TENT4B: variants seen among roughly 807,000 people sequenced by gnomAD.
TENT4B encodes the protein PAP associated domain containing 5.
TENT4B carries 10 observed loss-of-function variants against 75.0 expected under a neutral mutation model. That is an observed-to-expected ratio of 0.13 (90% confidence interval 0.08 to 0.23). The LOEUF is 0.23. Among genes scored for constraint, TENT4B ranks in the 10% least tolerant of loss-of-function variants. The pLI is 1.00. For missense variants in TENT4B, 579 were observed against 893.8 expected (o/e 0.65, Z 4.49); for synonymous variants, 350 against 357.7 (o/e 0.98, Z 0.24).
intron 1 of TENT4B, among the ~76,000 whole-genome samples, chr16:50,194,194 GTTCT>G (rs780115370): frequency 1.6e-4 from 24 of 145,712 alleles, no homozygotes; most frequent in Non-Finnish European, 3.0e-4. Flanking sequence ...TCTTTTTTCT[GTTCT>G]TTCTTTCTCT....
Position 50,187,562 on chromosome 16 carries a change from G to A in TENT4B, c.639-23761G>A, listed in dbSNP as rs183552705. ...TGTGCCACTGCACTCCAGCCTGGGC[G>A]ACAGAGCGAGACTCCATCGTGCGGG... is the stretch of plus-strand genomic sequence containing the variant. On this transcript the variant is annotated intron_variant, in intron 1 of 11. Coordinates refer to ENST00000561678, the MANE Select transcript of TENT4B (RefSeq NM_001365324.3). Among the ~76,000 whole-genome samples the A allele has an allele frequency of 2.4e-4, 37 of 152,218 alleles. No homozygotes were observed. In the East Asian group the frequency reaches 6.2e-3, roughly 25 times the overall value.
At chr16:50,180,366 G>T (rs1234281233) in intron 1 of TENT4B, among the ~76,000 whole-genome samples, 1 of 152,144 alleles carries the variant, frequency 6.6e-6, no homozygotes, top group Non-Finnish European at 1.5e-5. Flanking sequence ...GCCTCCCAGA[G>T]TGCTGGGATT....
intron 5 of TENT4B, among the ~76,000 whole-genome samples, chr16:50,221,515 T>G (rs2031826681): frequency 6.6e-6 from 1 of 152,198 alleles, no homozygotes; most frequent in South Asian, 2.1e-4. Context: ...TCAGCCCATG[T>G]GCAAGTCAGC....
intron 1 of TENT4B, among the ~76,000 whole-genome samples, chr16:50,191,303 C>CT (rs1363669504): frequency 6.6e-6 from 1 of 152,108 alleles, no homozygotes; most frequent in Non-Finnish European, 1.5e-5. Context: ...TTCCACACAG[C>CT]TGTACCATTG....
chr16:50,202,726 G>A (rs2030724979), intron 1 of TENT4B, among the ~76,000 whole-genome samples: 1 of 152,130 alleles, frequency 6.6e-6, no homozygotes, highest in Admixed American at 6.5e-5. Context: ...ATTAGATAAA[G>A]CAACTCTTGG....
chr16:50,214,716 G>A (rs993515035), intron 3 of TENT4B, among the ~76,000 whole-genome samples: 3 of 152,180 alleles, frequency 2.0e-5, no homozygotes, highest in Admixed American at 6.5e-5. Flanking sequence ...TTACCTTGAA[G>A]TAGAATATCA....
intron 1 of TENT4B, among the ~76,000 whole-genome samples, chr16:50,205,662 C>T (rs1024255463): frequency 7.2e-6 from 1 of 138,462 alleles, no homozygotes; most frequent in African/African-American, 2.8e-5. Flanking sequence ...ATGATCTCAG[C>T]TTGCTGTGAT....
chr16:50,197,143 C>A (rs1596706735), intron 1 of TENT4B, among the ~76,000 whole-genome samples: 1 of 151,166 alleles, frequency 6.6e-6, no homozygotes, highest in African/African-American at 2.4e-5. Context: ...AAACAGAGTA[C>A]AACAACCTTT....
At chr16:50,155,277 G>GTGTGTA (rs2037874654) in intron 1 of TENT4B, among the ~76,000 whole-genome samples, 1 of 147,388 alleles carries the variant, frequency 6.8e-6, no homozygotes, top group Admixed American at 6.8e-5. Flanking sequence ...TCGTGGGTGT[G>GTGTGTA]TGTGTGTGTG....
Position 50,233,918 on chromosome 16 carries a change from C to T in TENT4B, c.*4590C>T, listed in dbSNP as rs1262066138. On this transcript the variant is annotated 3_prime_UTR_variant, in exon 12 of 12. Coordinates refer to ENST00000561678, the MANE Select transcript of TENT4B (RefSeq NM_001365324.3). The stretch of plus-strand genomic sequence containing the variant: ...TAATGATGTGGAAATCAGGTGTTCT[C>T]TTGTGTATTTCAGTGAACATTTTTA... The T allele has an allele frequency of 2.0e-6, 2 of 985,296 alleles. No homozygotes were observed. Among genetic ancestry groups the T allele is most frequent in the African/African-American group, 3.5e-5 (2 of 57,238 alleles). 61.0% of individuals were successfully genotyped at this position (985,296 alleles called of 1,614,324 possible).
intron 1 of TENT4B, among the ~76,000 whole-genome samples, chr16:50,179,500 G>T (rs2038372308): frequency 6.6e-6 from 1 of 152,272 alleles, no homozygotes; most frequent in East Asian, 1.9e-4. Flanking sequence ...GGTGTGGTGA[G>T]GAGTAGGATT....
chr16:50,193,457 C>T (rs2029995251), intron 1 of TENT4B, among the ~76,000 whole-genome samples: 1 of 151,590 alleles, frequency 6.6e-6, no homozygotes. Flanking sequence ...CCTGCCTCAG[C>T]CTCCCGAGTA....
chr16:50,161,350 A>C (rs574068050), intron 1 of TENT4B, among the ~76,000 whole-genome samples: 1 of 152,186 alleles, frequency 6.6e-6, no homozygotes, highest in Non-Finnish European at 1.5e-5. Context: ...TGAGCCATTT[A>C]TGTTGTGTAC....
chr16:50,200,021 T>C (rs1458471830), intron 1 of TENT4B, among the ~76,000 whole-genome samples: 1 of 152,146 alleles, frequency 6.6e-6, no homozygotes, highest in Admixed American at 6.5e-5. Context: ...TTATGGTAAA[T>C]ACCAAGGAGT....
intron 2 of TENT4B, 98 bp from the exon 3 acceptor site, chr16:50,214,123 A>G (rs2150737008): frequency 1.1e-6 from 1 of 899,290 alleles, no homozygotes; most frequent in Middle Eastern, 3.3e-4. Flanking sequence ...GTACCAGTAG[A>G]GGGTAGCAAA....
At chr16:50,227,143 A>G (rs1007716675) in intron 10 of TENT4B, among the ~76,000 whole-genome samples, 7 of 152,242 alleles carry the variant, frequency 4.6e-5, no homozygotes, top group African/African-American at 1.7e-4. Context: ...CCATGTGTCA[A>G]TATGGAATCA....
rs1303698623 is a variant in TENT4B, at chr16:50,231,830, T to C, written c.*2502T>C. 2.0e-6 allele frequency: 2 copies of C among 985,194 alleles called. No individual in the cohort carries two copies. Among genetic ancestry groups the C allele is most frequent in the South Asian group, 4.7e-5 (1 of 21,272 alleles). 61.0% of individuals were successfully genotyped at this position (985,194 alleles called of 1,614,324 possible). On this transcript the variant is annotated 3_prime_UTR_variant, in exon 12 of 12. Transcript: ENST00000561678. ...GAAGTAAAATACTTTCAAGAACTTT[T>C]AGTTTGCCTGCTCATTTGTTTTATA...
chr16:50,194,879 G>A (rs1954339939), intron 1 of TENT4B, among the ~76,000 whole-genome samples: 1 of 151,122 alleles, frequency 6.6e-6, no homozygotes. Flanking sequence ...CTCCCAAGTA[G>A]CTGGGACTAC....
chr16:50,229,902 A>G lies in TENT4B; in HGVS notation c.*574A>G. ...TTAATAATACTTTTTACATAACATT[A>G]CTGTTTAAATTGTAAACAGATTTTT... On this transcript the variant is annotated 3_prime_UTR_variant, in exon 12 of 12. Transcript: ENST00000561678. 1 of 917,606 alleles carries G rather than the reference A, an allele frequency of 1.1e-6. No individual in the cohort carries two copies. The highest frequency in any genetic ancestry group is 1.3e-6 in the Non-Finnish European group (1 of 768,098). The allele number at this position is 917,606 out of a possible 1,614,324, so 56.8% of individuals were successfully genotyped here.
Sources: gnomAD v4.1 joint callset for allele counts (sites outside exome capture counted in the v4.1 genomes callset) on GRCh38, gnomAD v4.1.1 for gene constraint, MANE v1.5 for transcripts, NCBI Gene and HGNC (gene_info 2026-07-23, HGNC 2026-07-21) for gene names.